Variants in ELAPOR1 observed in about 807,000 individuals in gnomAD.
ELAPOR1 encodes endosome-lysosome associated apoptosis and autophagy regulator 1.
A neutral mutation model predicts 119.7 loss-of-function variants in ELAPOR1; 77 were observed. The ratio of observed to expected loss-of-function variants is 0.64; its 90% confidence interval spans 0.54 to 0.78. The LOEUF is 0.78. Ranked by LOEUF, ELAPOR1 falls within the 30% of genes least tolerant of loss-of-function variation. The pLI is 0.00. For missense variants in ELAPOR1, 1,115 were observed against 1,270.4 expected, an observed-to-expected ratio of 0.88 and a Z score of 1.86; for synonymous variants, 481 against 487.2, an observed-to-expected ratio of 0.99 and a Z score of 0.17.
At chr1:109,183,031 A>C (rs1652792673) in intron 7 of ELAPOR1, among the ~76,000 whole-genome samples, 1 of 152,212 alleles carries the variant, frequency 6.6e-6, no homozygotes, top group Non-Finnish European at 1.5e-5. Context: ...TGTGCACCTC[A>C]TAAAGCAGTT....
chr1:109,131,404 C>G (rs1484814276), intron 1 of ELAPOR1, among the ~76,000 whole-genome samples: 6 of 152,176 alleles, frequency 3.9e-5, no homozygotes, highest in Non-Finnish European at 8.8e-5. Flanking sequence ...AGCTCTAATT[C>G]CTGTTGAAAG....
At chr1:109,183,549 TTTCCTTCCTTCCTTCCTTCCTTCCTTCC>T (rs1187192136) in intron 7 of ELAPOR1, among the ~76,000 whole-genome samples, 39 of 81,186 alleles carry the variant, frequency 4.8e-4, no homozygotes, top group Admixed American at 1.3e-3. Flanking sequence ...CTTTCTTTCT[TTTCCTTCCTTCCTTCCTTCCTTCCTTCC>T]TTCCTTCCTT....
rs71069655 is a variant in ELAPOR1, at chr1:109,144,061, A to ATTTT, written c.154-17821_154-17818dup. On this transcript the variant is annotated intron_variant, in intron 1 of 21. Transcript: ENST00000369939. ...TATATATATATATATATATTTATATATTTTTTTTTTTTTTTGAGATGGAGT... is the reference window on the plus strand; with the variant it reads ...TATATATATATATATATATTTATATATTTTTTTTTTTTTTTTTTTGAGATGGAGT... 2.7e-3 allele frequency among the ~76,000 whole-genome samples: 241 copies of ATTTT among 88,972 alleles called. 17 individuals carry two copies. Among genetic ancestry groups the ATTTT allele is most frequent in the South Asian group, 0.017 (48 of 2,836 alleles). The allele number at this position is 88,972 out of a possible 152,430, so 58.4% of individuals were successfully genotyped here.
Position 109,185,054 on chromosome 1 carries a change from C to T in ELAPOR1, c.962C>T (p.Ser321Phe). 1 of 1,613,836 alleles carries T rather than the reference C, an allele frequency of 6.2e-7. No individual in the cohort carries two copies. The highest frequency in any genetic ancestry group is 1.1e-5 in the South Asian group (1 of 91,076). ...TGCTTTGGCAATTTAGAGAAAGGATCTTCTTCCTGTAACGTGCGCCCAGCT... is the reference window on the plus strand; with the variant it reads ...TGCTTTGGCAATTTAGAGAAAGGATTTTCTTCCTGTAACGTGCGCCCAGCT... ...CDPDKYSEKGSSSCNVRPACT... is the reference protein window; with the variant it reads ...CDPDKYSEKGFSSCNVRPACT... Residue 321 changes from serine (S) to phenylalanine (F), a missense_variant, in exon 8 of 22, where the codon TCT becomes TTT. Ser to Phe is a radical substitution (Grantham distance 155). Transcript: ENST00000369939.
intron 21 of ELAPOR1, 40 bp downstream of exon 21, chr1:109,200,940 G>A (rs374519086): frequency 6.3e-7 from 1 of 1,590,976 alleles, no homozygotes; most frequent in Non-Finnish European, 8.6e-7. Context: ...AGCCTGGAGG[G>A]CTGGAGGAGA....
In ELAPOR1 at chr1:109,189,576, C is replaced by T. The variant is rs751739164; in HGVS notation, c.1349-16C>T. On this transcript the variant is annotated splice_polypyrimidine_tract_variant and intron_variant, in intron 10 of 21. Coordinates refer to ENST00000369939, the MANE Select transcript of ELAPOR1 (RefSeq NM_020775.5). ...CCCAAGAGCACAAGGCATTAACTCT[C>T]CTCTTTCCTTTTCAGGCTGGGAGGT... 4 of 1,611,768 alleles carry T rather than the reference C, an allele frequency of 2.5e-6. No individual in the cohort carries two copies. Among genetic ancestry groups the T allele is most frequent in the South Asian group, 1.1e-5 (1 of 91,018 alleles).
chr1:109,199,734 G>T, intron 18 of ELAPOR1, 120 bp from the exon 19 acceptor site: 1 of 1,172,470 alleles, frequency 8.5e-7, no homozygotes, highest in Non-Finnish European at 1.2e-6. Flanking sequence ...ATCCTGGTAG[G>T]GCTAATGGTT....
intron 5 of ELAPOR1, 111 bp downstream of exon 5, chr1:109,172,679 C>A: frequency 1.3e-6 from 1 of 749,646 alleles, no homozygotes. Context: ...CCCTGGAGGG[C>A]AGGAATGTGA....
At chr1:109,185,466 G>A (rs575757076) in intron 8 of ELAPOR1, among the ~76,000 whole-genome samples, 2 of 152,156 alleles carry the variant, frequency 1.3e-5, no homozygotes, top group Non-Finnish European at 2.9e-5. Context: ...ATGTCCTCCC[G>A]GGGCTCTTCA....
intron 1 of ELAPOR1, among the ~76,000 whole-genome samples, chr1:109,155,379 C>T (rs547137459): frequency 7.9e-5 from 12 of 152,128 alleles, no homozygotes; most frequent in Middle Eastern, 3.4e-3. Flanking sequence ...GGGGTTTCAC[C>T]GTGTTAGCCA....
intron 2 of ELAPOR1, 61 bp from the exon 3 acceptor site, chr1:109,164,438 C>T: frequency 6.8e-7 from 1 of 1,464,642 alleles, no homozygotes; most frequent in Non-Finnish European, 9.4e-7. Flanking sequence ...GCTCGCAGCC[C>T]ATTCACTTCT....
At chr1:109,169,038 G>A (rs914137349) in intron 3 of ELAPOR1, among the ~76,000 whole-genome samples, 5 of 152,128 alleles carry the variant, frequency 3.3e-5, no homozygotes, top group Non-Finnish European at 5.9e-5. Context: ...CTGATGTCGT[G>A]GAGCATATCA....
chr1:109,195,427 G>T (rs1653725934), intron 15 of ELAPOR1, among the ~76,000 whole-genome samples: 1 of 151,916 alleles, frequency 6.6e-6, no homozygotes, highest in Admixed American at 6.6e-5. Flanking sequence ...CTGGCAGGCG[G>T]AGCTTGCAGT....
At chr1:109,196,428 G>A (rs1461227042) in intron 15 of ELAPOR1, among the ~76,000 whole-genome samples, 2 of 152,174 alleles carry the variant, frequency 1.3e-5, no homozygotes, top group Non-Finnish European at 2.9e-5. Flanking sequence ...ACTGATTAAA[G>A]CAGGCTTCAT....
chr1:109,131,672 G>A (rs1474812627), intron 1 of ELAPOR1, among the ~76,000 whole-genome samples: 1 of 152,144 alleles, frequency 6.6e-6, no homozygotes, highest in Non-Finnish European at 1.5e-5. Context: ...ACGTATATAA[G>A]AGATAAAAGT....
At chr1:109,196,840 G>A (rs752991484) in intron 15 of ELAPOR1, among the ~76,000 whole-genome samples, 3 of 152,108 alleles carry the variant, frequency 2.0e-5, no homozygotes, top group Non-Finnish European at 4.4e-5. Flanking sequence ...GCGCCAGCAC[G>A]TCCAGCTAAT....
chr1:109,203,606 G>GT lies in ELAPOR1; in HGVS notation c.*595dup, dbSNP rs11369308. On this transcript the variant is annotated 3_prime_UTR_variant, in exon 22 of 22. Transcript: ENST00000369939. ...AAAGCATAAAAAGAGGCCGGGCGCG[G>GT]TGGCTCACGCCTGTAATCCCAGCAC... 0.035 allele frequency: 5,313 copies of GT among 152,692 alleles called. 304 individuals are homozygous for GT. Among genetic ancestry groups the GT allele is most frequent in the African/African-American group, 0.12 (4,990 of 41,546 alleles). The allele number at this position is 152,692 out of a possible 1,614,324, so 9.5% of individuals were successfully genotyped here.
intron 7 of ELAPOR1, among the ~76,000 whole-genome samples, chr1:109,180,895 G>A (rs181410961): frequency 5.0e-4 from 76 of 152,134 alleles, no homozygotes; most frequent in African/African-American, 1.7e-3. Context: ...AGCCTGGGAG[G>A]TAGAGGCTGT....
At chr1:109,176,670 T>C (rs1420977122) in intron 7 of ELAPOR1, among the ~76,000 whole-genome samples, 1 of 146,668 alleles carries the variant, frequency 6.8e-6, no homozygotes, top group Non-Finnish European at 1.5e-5. Flanking sequence ...TTTGGCAGGG[T>C]CACAGGACAA....
Sources: gnomAD v4.1 joint callset for allele counts (sites outside exome capture counted in the v4.1 genomes callset) on GRCh38, gnomAD v4.1.1 for gene constraint, MANE v1.5 for transcripts, NCBI Gene and HGNC (gene_info 2026-07-23, HGNC 2026-07-21) for gene names.